Variants in ZNF740 observed in about 807,000 individuals in gnomAD.
The protein encoded by ZNF740 is zinc finger protein 740.
A neutral mutation model predicts 24.8 loss-of-function variants in ZNF740; 14 were observed. That is an observed-to-expected ratio of 0.56 (90% CI 0.37 to 0.88). ZNF740 has a LOEUF of 0.88. Among genes scored for constraint, ZNF740 ranks in the 40% least tolerant of loss-of-function variants. The probability of loss-of-function intolerance (pLI) is 0.00; values close to 1 mark genes in which losing one functional copy is unlikely to be tolerated. For missense variants in ZNF740, 201 were observed against 247.9 expected, an observed-to-expected ratio of 0.81 and a Z score of 1.27; for synonymous variants, 69 against 84.0, an observed-to-expected ratio of 0.82 and a Z score of 0.98.
In ZNF740 at chr12:53,193,218, A is replaced by C. The variant is rs766543552; in HGVS notation, c.*5628A>C. The C allele has an allele frequency of 6.2e-7, 1 of 1,614,122 alleles. No homozygotes were observed. The highest frequency in any genetic ancestry group is 1.3e-5 in the African/African-American group (1 of 75,022). On this transcript the variant is annotated 3_prime_UTR_variant, in exon 7 of 7. Transcript: ENST00000416904. ...AGATGCCCAGAGCTCTGTCCACTGC[A>C]GCTGCAGCGTCCACATTGACAGTGA...
At chr12:53,183,040 GATTGTAGTATA>G (rs546860842) in intron 2 of ZNF740, among the ~76,000 whole-genome samples, 54 of 152,322 alleles carry the variant, frequency 3.5e-4, no homozygotes, top group Admixed American at 7.2e-4. Context: ...ATGGCAGTCT[GATTGTAGTATA>G]ATTGGCTTTC....
chr12:53,186,583 T>C, intron 6 of ZNF740, 74 bp downstream of exon 6: 2 of 1,255,484 alleles, frequency 1.6e-6, no homozygotes, highest in Non-Finnish European at 2.2e-6. Context: ...CCTCCACTCC[T>C]GCCTGACAAA....
intron 2 of ZNF740, among the ~76,000 whole-genome samples, chr12:53,184,154 C>CGCGCGT (rs1565690731): frequency 1.1e-5 from 1 of 93,070 alleles, no homozygotes; most frequent in African/African-American, 6.0e-5. Context: ...TGTGTGTGCG[C>CGCGCGT]GCGCGCGCTC....
At chr12:53,183,938 C>T (rs1410504423) in intron 2 of ZNF740, among the ~76,000 whole-genome samples, 2 of 151,980 alleles carry the variant, frequency 1.3e-5, no homozygotes, top group African/African-American at 2.4e-5. Context: ...GTAGAAGGAT[C>T]GCTTAAGCCA....
chr12:53,193,799 G>A lies in ZNF740; in HGVS notation c.*6209G>A. ...CTGCAATTACAGTCACACAGCGTGT[G>A]CAACTCCACAATCAGCTCCTCTGAG... On this transcript the variant is annotated 3_prime_UTR_variant, in exon 7 of 7. Transcript: ENST00000416904. 5.0e-6 allele frequency: 8 copies of A among 1,614,090 alleles called. No homozygotes were observed. Among genetic ancestry groups the A allele is most frequent in the Non-Finnish European group, 5.9e-6 (7 of 1,180,002 alleles).
At chr12:53,181,489 C>T in intron 1 of ZNF740, 188 bp from the exon 2 acceptor site, 1 of 985,398 alleles carries the variant, frequency 1.0e-6, no homozygotes, top group Non-Finnish European at 1.2e-6. Flanking sequence ...ACTTTTGCTC[C>T]TGTTGGCTTC....
Position 53,187,568 on chromosome 12 carries a change from C to T in ZNF740, c.560C>T (p.Ser187Phe). ...TGCCAAGGGTGCCAGTCCAAGACTT[C>T]CGACGGGCAGTTTTCTCTATAGGCG... is the stretch of plus-strand genomic sequence containing the variant. ...RMCQGCQSKT[S>F]DGQFSL The change falls in exon 7 of 7, where the codon TCC (serine) becomes TTC (phenylalanine). Residue 187 changes from serine (S) to phenylalanine (F), a missense_variant. Physicochemically the swap from Ser to Phe is radical, Grantham distance 155. Transcript: ENST00000416904. The T allele has an allele frequency of 6.2e-7, 1 of 1,613,998 alleles. No individual in the cohort carries two copies. The highest frequency in any genetic ancestry group is 1.1e-5 in the South Asian group (1 of 91,086).
chr12:53,186,750 G>T, intron 6 of ZNF740: 1 of 398,884 alleles, frequency 2.5e-6, no homozygotes, highest in Non-Finnish European at 4.6e-6. Flanking sequence ...GGCACTGTGA[G>T]AGCATACTTT....
rs1342987234 is a variant in ZNF740 at position 53,187,903 on chromosome 12, A to G, written c.*313A>G. ...CCAAGACTGAAGTGTGGCTCCCACA[A>G]CCTTGGACTCCAGCTGGCAGCTGAA... On this transcript the variant is annotated 3_prime_UTR_variant, in exon 7 of 7. Transcript: ENST00000416904. The G allele has an allele frequency of 3.2e-6, 1 of 308,696 alleles. No homozygotes were observed. Among genetic ancestry groups the G allele is most frequent in the South Asian group, 5.6e-5 (1 of 17,976 alleles). The allele number at this position is 308,696 out of a possible 1,614,324, so 19.1% of individuals were successfully genotyped here.
At chr12:53,187,010 C>T (rs1941836630) in intron 6 of ZNF740, among the ~76,000 whole-genome samples, 1 of 152,104 alleles carries the variant, frequency 6.6e-6, no homozygotes, top group Admixed American at 6.6e-5. Context: ...AAGACAAGAA[C>T]AAGAGATGAG....
rs767421627 is a variant in ZNF740 at position 53,184,912 on chromosome 12, G to C, written c.31G>C (p.Gly11Arg). The C allele has an allele frequency of 6.2e-7, 1 of 1,613,558 alleles. No individual in the cohort carries two copies. Among genetic ancestry groups the C allele is most frequent in the Admixed American group, 1.7e-5 (1 of 59,918 alleles). MAQASLLACE[G>R]LAGVSLVPTA... is the part of the protein sequence containing the mutation. ...TTAGGCAAGTCTCCTGGCTTGTGAA[G>C]GCCTAGCAGGTGTGAGTTTGGTTCC... Residue 11 changes from glycine to arginine, a missense_variant, in exon 3 of 7, where the codon GGC becomes CGC. Physicochemically the swap from Gly to Arg is moderately radical, Grantham distance 125. Around this residue, in one of 3 missense-constraint regions of ZNF740, gnomAD observed 117 missense variants for 122.3 expected, o/e 0.96. Transcript: ENST00000416904.
intron 2 of ZNF740, among the ~76,000 whole-genome samples, chr12:53,183,632 GA>G (rs145689908): frequency 0.031 from 4,664 of 151,776 alleles, 226 homozygotes; most frequent in African/African-American, 0.11. Flanking sequence ...CAAGGAATGT[GA>G]AAAAAAATGT....
In ZNF740 at chr12:53,180,766, T is replaced by G; in HGVS notation, c.-379T>G. ...GGTGGGGGCAGCCGCGGCGGTGGGGTTGGCAGGGTGTGCTGGGGCCTGGAG... is the reference window on the plus strand; with the variant it reads ...GGTGGGGGCAGCCGCGGCGGTGGGGGTGGCAGGGTGTGCTGGGGCCTGGAG... On this transcript the variant is annotated 5_prime_UTR_variant, in exon 1 of 7. Transcript: ENST00000416904. The G allele has an allele frequency of 7.9e-7, 1 of 1,271,560 alleles. No homozygotes were observed. Among genetic ancestry groups the G allele is most frequent in the Non-Finnish European group, 1.0e-6 (1 of 981,414 alleles). The allele number at this position is 1,271,560 out of a possible 1,614,324, so 78.8% of individuals were successfully genotyped here.
intron 1 of ZNF740, 53 bp downstream of exon 1, chr12:53,180,890 C>CA (rs1340079455): frequency 8.6e-7 from 1 of 1,161,198 alleles, no homozygotes; most frequent in South Asian, 1.5e-5. Context: ...GGCAGCGCTT[C>CA]AGTAGCTCGC....
rs149301495 is a variant in ZNF740, at chr12:53,185,819, C to G, written c.250-135C>G. 6.2e-4 allele frequency: 753 copies of G among 1,212,116 alleles called. 3 individuals are homozygous for G. In the African/African-American group the frequency reaches 0.01, roughly 17 times the overall value. 75.1% of individuals were successfully genotyped at this position (1,212,116 alleles called of 1,614,324 possible). A position where few individuals can be genotyped will look rare whatever the true frequency, so the allele number is the denominator to read the frequency against. Reference sequence around the variant, plus strand: ...AAGGGTCTCTTACCTCCATGGAGTACAGGAGATGGCAGCACCTTTAGACAG... The same window carrying G: ...AAGGGTCTCTTACCTCCATGGAGTAGAGGAGATGGCAGCACCTTTAGACAG... On this transcript the variant is annotated intron_variant, in intron 4 of 6. Transcript: ENST00000416904.
chr12:53,184,162 C>CGT (rs1446510346), intron 2 of ZNF740, among the ~76,000 whole-genome samples: 6 of 125,768 alleles, frequency 4.8e-5, no homozygotes, highest in African/African-American at 2.1e-4. Flanking sequence ...CGCGCGCGCG[C>CGT]TCTGAAGCTA....
At position 53,193,022 on chromosome 12, in the gene ZNF740, C is replaced by G; in HGVS notation, c.*5432C>G. 1 of 1,358,190 alleles carries G rather than the reference C, an allele frequency of 7.4e-7. No individual in the cohort carries two copies. Among genetic ancestry groups the G allele is most frequent in the Non-Finnish European group, 1.0e-6 (1 of 972,144 alleles). The allele number at this position is 1,358,190 out of a possible 1,614,324, so 84.1% of individuals were successfully genotyped here. A position where few individuals can be genotyped will look rare whatever the true frequency, so the allele number is the denominator to read the frequency against. On this transcript the variant is annotated 3_prime_UTR_variant, in exon 7 of 7. Transcript: ENST00000416904. ...CTTTTTGAAGTATGCCAACCACACC[C>G]TCTAACCCATACACCGGAATCTTTT...
At position 53,191,969 on chromosome 12, in the gene ZNF740, C is replaced by T. The variant is rs926770238; in HGVS notation, c.*4379C>T. The T allele has an allele frequency of 9.3e-6, 15 of 1,612,284 alleles. No homozygotes were observed. Among genetic ancestry groups the T allele is most frequent in the African/African-American group, 2.7e-5 (2 of 74,872 alleles). ...AGGACCAGCCCCAGCCCCACTGCCA[C>T]GATGCCCCCTACGCAGCCCAGCACA... On this transcript the variant is annotated 3_prime_UTR_variant, in exon 7 of 7. Coordinates refer to ENST00000416904, the MANE Select transcript of ZNF740 (RefSeq NM_001004304.4).
Position 53,192,936 on chromosome 12 carries a change from A to T in ZNF740, c.*5346A>T, listed in dbSNP as rs1277168194. 22 of 1,604,246 alleles carry T rather than the reference A, an allele frequency of 1.4e-5. No homozygotes were observed. Among genetic ancestry groups the T allele is most frequent in the Non-Finnish European group, 1.9e-5 (22 of 1,171,966 alleles). On this transcript the variant is annotated 3_prime_UTR_variant, in exon 7 of 7. Coordinates refer to ENST00000416904, the MANE Select transcript of ZNF740 (RefSeq NM_001004304.4). The stretch of plus-strand genomic sequence containing the variant: ...CTGGGGTAGAGCCATGCAGAGGGTG[A>T]CAACCATACTCCACACACACAGTTG...
Sources: gnomAD v4.1 joint callset for allele counts (sites outside exome capture counted in the v4.1 genomes callset) on GRCh38, gnomAD v4.1.1 for gene constraint, gnomAD v4.1.1 regional missense constraint, MANE v1.5 for transcripts, NCBI Gene and HGNC (gene_info 2026-07-23, HGNC 2026-07-21) for gene names.